CSMD1: variants seen among roughly 807,000 people sequenced by gnomAD.
CSMD1 encodes the protein CUB and sushi domain-containing protein 1.
Under a neutral mutation model 417.5 loss-of-function variants are expected in CSMD1, and 213 were observed. That is an observed-to-expected ratio of 0.51 (90% CI 0.46 to 0.57). The LOEUF (loss-of-function observed/expected upper bound fraction) is 0.57. CSMD1 is among the 20% of genes least tolerant of loss of function. The pLI, the probability that CSMD1 is intolerant of heterozygous loss-of-function variation, is 0.00. For missense variants in CSMD1, 6,923 were observed against 4,529.7 expected, an observed-to-expected ratio of 1.53 and a Z score of -15.17; for synonymous variants, 2,862 against 1,736.8, an observed-to-expected ratio of 1.65 and a Z score of -16.11.
chr8:3,396,899 C>T (rs577297456), intron 16 of CSMD1, among the ~76,000 whole-genome samples: 1 of 152,044 alleles, frequency 6.6e-6, no homozygotes, highest in Non-Finnish European at 1.5e-5. Context: ...AAATCCTGTG[C>T]CTTTTTAAAT....
intron 3 of CSMD1, among the ~76,000 whole-genome samples, chr8:4,141,850 T>C (rs1204418533): frequency 1.3e-5 from 2 of 151,092 alleles, no homozygotes; most frequent in African/African-American, 4.9e-5. Context: ...TGACTAACAG[T>C]ACCATTTAGA....
intron 2 of CSMD1, among the ~76,000 whole-genome samples, chr8:4,439,812 G>C (rs1798358530): frequency 6.6e-6 from 1 of 152,156 alleles, no homozygotes; most frequent in Non-Finnish European, 1.5e-5. Flanking sequence ...TGTAAATTCA[G>C]GGGTGAAAAT....
At chr8:3,430,916 C>T (rs1024074384) in intron 12 of CSMD1, among the ~76,000 whole-genome samples, 1 of 152,166 alleles carries the variant, frequency 6.6e-6, no homozygotes, top group Non-Finnish European at 1.5e-5. Flanking sequence ...GGATAATATT[C>T]TAAGCATTGA....
At chr8:4,320,337 C>A (rs1045538136) in intron 3 of CSMD1, among the ~76,000 whole-genome samples, 1 of 152,256 alleles carries the variant, frequency 6.6e-6, no homozygotes, top group Middle Eastern at 3.4e-3. Context: ...TTTCCTTCCA[C>A]AAGTCATCAC....
intron 12 of CSMD1, among the ~76,000 whole-genome samples, chr8:3,461,759 G>T (rs1410600250): frequency 6.6e-6 from 1 of 152,218 alleles, no homozygotes; most frequent in Non-Finnish European, 1.5e-5. Flanking sequence ...AGACAATACA[G>T]ATGAGTGGGA....
chr8:3,072,209 C>G (rs746190642), intron 49 of CSMD1, among the ~76,000 whole-genome samples: 1 of 152,052 alleles, frequency 6.6e-6, no homozygotes, highest in Non-Finnish European at 1.5e-5. Context: ...AATTAGAGGT[C>G]GAAAGTTTTG....
At position 4,122,089 on chromosome 8, in the gene CSMD1, T is replaced by C. The variant is rs939878336; in HGVS notation, c.416-89990A>G. Among the ~76,000 whole-genome samples the C allele has an allele frequency of 2.6e-5, 4 of 152,210 alleles. No homozygotes were observed. In the East Asian group the frequency reaches 5.8e-4, roughly 22 times the overall value. The stretch of plus-strand genomic sequence containing the variant: ...ATTTATAAAATATATATCAATATCA[T>C]AGAAATATAATATTGTATCGTATAG... On this transcript the variant is annotated intron_variant, in intron 3 of 69. Transcript: ENST00000635120.
intron 3 of CSMD1, among the ~76,000 whole-genome samples, chr8:4,058,182 C>A (rs1253967934): frequency 1.3e-5 from 2 of 152,096 alleles, no homozygotes; most frequent in African/African-American, 2.4e-5. Flanking sequence ...AATGTTCTTC[C>A]ATTTCTTTGT....
chr8:3,907,576 G>C (rs1808194818), intron 5 of CSMD1, among the ~76,000 whole-genome samples: 1 of 152,162 alleles, frequency 6.6e-6, no homozygotes, highest in South Asian at 2.1e-4. Flanking sequence ...GTTACCAGTG[G>C]TTGTGCCAGG....
In CSMD1 at chr8:4,312,450, CGT is replaced by C. The variant is rs1798679466; in HGVS notation, c.415+107501_415+107502del. Among the ~76,000 whole-genome samples, 7 of 123,620 alleles carry C rather than the reference CGT, an allele frequency of 5.7e-5. No homozygotes were observed. In the South Asian group the frequency reaches 1.6e-3, roughly 28 times the overall value. 81.1% of individuals were successfully genotyped at this position (123,620 alleles called of 152,430 possible). A position where few individuals can be genotyped will look rare whatever the true frequency, so the allele number is the denominator to read the frequency against. On this transcript the variant is annotated intron_variant, in intron 3 of 69. Coordinates refer to ENST00000635120, the MANE Select transcript of CSMD1 (RefSeq NM_033225.6). ...GTATATATATATGCGTATATATATACGTATATATATGCGCGTATATATATATA... is the reference window on the plus strand; with the variant it reads ...GTATATATATATGCGTATATATATACATATATATGCGCGTATATATATATA...
At chr8:4,587,455 A>G (rs966598071) in intron 2 of CSMD1, among the ~76,000 whole-genome samples, 8 of 151,830 alleles carry the variant, frequency 5.3e-5, no homozygotes, top group African/African-American at 1.9e-4. Flanking sequence ...ATGTACATAT[A>G]TATGTATATG....
intron 11 of CSMD1, among the ~76,000 whole-genome samples, chr8:3,487,824 C>A (rs552683629): frequency 6.6e-6 from 1 of 151,994 alleles, no homozygotes; most frequent in Non-Finnish European, 1.5e-5. Flanking sequence ...TCCCAGAAAT[C>A]GTAAAAATCC....
At chr8:4,754,514 C>A (rs1243022668) in intron 1 of CSMD1, among the ~76,000 whole-genome samples, 1 of 151,618 alleles carries the variant, frequency 6.6e-6, no homozygotes, top group Non-Finnish European at 1.5e-5. Context: ...AATGCACTCC[C>A]AAAATTAGCG....
intron 26 of CSMD1, among the ~76,000 whole-genome samples, chr8:3,253,946 G>C (rs1282993770): frequency 6.6e-6 from 1 of 152,188 alleles, no homozygotes; most frequent in Non-Finnish European, 1.5e-5. Flanking sequence ...TTGCTCATTA[G>C]TTGATGCTGT....
chr8:3,647,530 A>T (rs1343959718), intron 7 of CSMD1, among the ~76,000 whole-genome samples: 3 of 152,208 alleles, frequency 2.0e-5, no homozygotes, highest in African/African-American at 4.8e-5. Flanking sequence ...GCATAAAGAG[A>T]AATATAGTAT....
At chr8:4,663,074 T>A (rs1437436364) in intron 1 of CSMD1, among the ~76,000 whole-genome samples, 1 of 152,154 alleles carries the variant, frequency 6.6e-6, no homozygotes, top group African/African-American at 2.4e-5. Context: ...GAGAGTCAAG[T>A]AAGCCAACCC....
At chr8:3,510,519 G>C (rs1027372946) in intron 10 of CSMD1, among the ~76,000 whole-genome samples, 2 of 151,834 alleles carry the variant, frequency 1.3e-5, no homozygotes, top group East Asian at 1.9e-4. Flanking sequence ...GAAAATCTTA[G>C]AAGGTCTTTA....
chr8:4,589,957 G>A (rs2617083), intron 2 of CSMD1, among the ~76,000 whole-genome samples: 58,594 of 151,930 alleles, frequency 0.39, 11,408 homozygotes, highest in South Asian at 0.42. Context: ...GAAGTTCCTA[G>A]GTTACTAGGC....
At chr8:3,399,661 AT>A in intron 15 of CSMD1, 132 bp from the exon 16 acceptor site, 1 of 641,846 alleles carries the variant, frequency 1.6e-6, no homozygotes, top group South Asian at 3.2e-5. Flanking sequence ...AGCAAATCTT[AT>A]TCCCAAGGAA....
Sources: allele counts gnomAD v4.1 joint callset (sites outside exome capture counted in the v4.1 genomes callset), GRCh38; gene constraint gnomAD v4.1.1; transcripts MANE v1.5; gene names NCBI Gene and HGNC (gene_info 2026-07-23, HGNC 2026-07-21).